Variants in SMARCC1 observed in about 807,000 individuals in gnomAD.
SMARCC1 encodes SWI/SNF complex subunit SMARCC1.
Under a neutral mutation model 147.4 loss-of-function variants are expected in SMARCC1, and 43 were observed. The observed-to-expected ratio is 0.29, with a 90% CI of 0.23 to 0.38. The LOEUF (loss-of-function observed/expected upper bound fraction) is 0.38, where lower values mean the gene tolerates loss of function less well. SMARCC1 is among the 10% of genes least tolerant of loss of function. The pLI is 1.00. For missense variants in SMARCC1, 1,119 were observed against 1,381.1 expected (o/e 0.81, Z 3.01); for synonymous variants, 495 against 484.4 (o/e 1.02, Z -0.29).
intron 12 of SMARCC1, among the ~76,000 whole-genome samples, chr3:47,690,198 A>AAAAAG (rs1186535968): frequency 1.3e-5 from 2 of 152,186 alleles, no homozygotes; most frequent in Admixed American, 6.5e-5. Flanking sequence ...TCTTATTAAA[A>AAAAAG]AAAAGAAAAG....
chr3:47,761,606 C>T (rs1024785531), intron 2 of SMARCC1, among the ~76,000 whole-genome samples: 12 of 152,228 alleles, frequency 7.9e-5, no homozygotes, highest in South Asian at 6.2e-4. Flanking sequence ...CAAGTGACTA[C>T]GACTGCTGAT....
chr3:47,615,169 C>T (rs2032620948), intron 25 of SMARCC1, among the ~76,000 whole-genome samples: 1 of 152,290 alleles, frequency 6.6e-6, no homozygotes, highest in African/African-American at 2.4e-5. Context: ...TGTATGTATA[C>T]CTATATATAT....
chr3:47,635,638 G>A (rs1307777900), intron 23 of SMARCC1, among the ~76,000 whole-genome samples: 4 of 152,166 alleles, frequency 2.6e-5, no homozygotes, highest in Non-Finnish European at 5.9e-5. Context: ...TAAGGCCAAC[G>A]TACTTGCTCA....
At chr3:47,714,708 C>T (rs936312067) in intron 7 of SMARCC1, among the ~76,000 whole-genome samples, 2 of 152,008 alleles carry the variant, frequency 1.3e-5, no homozygotes, top group African/African-American at 4.8e-5. Context: ...GTGGAAGAAT[C>T]GTTTGAACCC....
chr3:47,613,275 T>C (rs1253802689), intron 25 of SMARCC1, among the ~76,000 whole-genome samples: 1 of 152,084 alleles, frequency 6.6e-6, no homozygotes. Flanking sequence ...TCCAAGTATA[T>C]AAAAATGACT....
intron 2 of SMARCC1, among the ~76,000 whole-genome samples, chr3:47,752,726 G>A (rs2034642333): frequency 6.6e-6 from 1 of 152,102 alleles, no homozygotes; most frequent in South Asian, 2.1e-4. Context: ...GGAGGCTGAA[G>A]CTGCAGTGAC....
intron 5 of SMARCC1, among the ~76,000 whole-genome samples, chr3:47,729,335 T>C (rs115427161): frequency 2.2e-3 from 331 of 152,352 alleles, no homozygotes; most frequent in African/African-American, 7.7e-3. Flanking sequence ...TAGCTAGTTC[T>C]CTACAGATCT....
In SMARCC1 at chr3:47,778,212, A is replaced by AAAAAAAAAAAAAC. The variant is rs1553693293; in HGVS notation, c.195+3390_195+3391insGTTTTTTTTTTTT. ...TCTCAAAAAAAAAAAACAAAAAACAAAAAACAAAAAAAACACTGACTCCTA... is the reference window on the plus strand; with the variant it reads ...TCTCAAAAAAAAAAAACAAAAAACAAAAAAAAAAAAAACAAAACAAAAAAAACACTGACTCCTA... On this transcript the variant is annotated intron_variant, in intron 1 of 27. Coordinates refer to ENST00000254480, the MANE Select transcript of SMARCC1 (RefSeq NM_003074.4). Among the ~76,000 whole-genome samples the AAAAAAAAAAAAAC allele has an allele frequency of 2.4e-4, 29 of 121,336 alleles. 2 individuals carry two copies. The highest frequency in any genetic ancestry group is 5.9e-4 in the African/African-American group (19 of 32,192). The allele number at this position is 121,336 out of a possible 152,430, so 79.6% of individuals were successfully genotyped here. A position where few individuals can be genotyped will look rare whatever the true frequency, so the allele number is the denominator to read the frequency against.
At chr3:47,665,476 T>TA (rs2033409041) in intron 19 of SMARCC1, among the ~76,000 whole-genome samples, 1 of 152,160 alleles carries the variant, frequency 6.6e-6, no homozygotes, top group African/African-American at 2.4e-5. Flanking sequence ...AATTTTTAAT[T>TA]AAAAAATATT....
chr3:47,638,268 T>A (rs1183498276), intron 22 of SMARCC1, among the ~76,000 whole-genome samples: 1 of 152,150 alleles, frequency 6.6e-6, no homozygotes, highest in Non-Finnish European at 1.5e-5. Context: ...AATTTTTTTG[T>A]ATTTTTAGTA....
intron 18 of SMARCC1, among the ~76,000 whole-genome samples, chr3:47,671,173 C>CAAAAAAAAAAAAAAAAAAAAAAAAAAA (rs775759680): frequency 1.7e-4 from 5 of 29,240 alleles, no homozygotes; most frequent in African/African-American, 4.9e-4. Context: ...GAGACTATCT[C>CAAAAAAAAAAAAAAAAAAAAAAAAAAA]AAAAAAAAAA....
At chr3:47,679,315 A>T (rs886558595) in intron 15 of SMARCC1, among the ~76,000 whole-genome samples, 3 of 152,188 alleles carry the variant, frequency 2.0e-5, no homozygotes, top group Admixed American at 1.3e-4. Flanking sequence ...CAAGGGTTCC[A>T]GAAGTATATA....
intron 10 of SMARCC1, among the ~76,000 whole-genome samples, chr3:47,702,366 G>A (rs1464545894): frequency 6.6e-6 from 1 of 151,980 alleles, no homozygotes; most frequent in African/African-American, 2.4e-5. Context: ...TCAGTGCAGA[G>A]AAATGAATAA....
At chr3:47,748,120 A>G (rs145299887) in intron 2 of SMARCC1, among the ~76,000 whole-genome samples, 2,271 of 152,308 alleles carry the variant, frequency 0.015, 34 homozygotes, top group South Asian at 0.071. Flanking sequence ...ACTGCACTCC[A>G]GCCTGGGCGA....
At chr3:47,639,674 A>G (rs186731767) in intron 21 of SMARCC1, among the ~76,000 whole-genome samples, 2 of 152,286 alleles carry the variant, frequency 1.3e-5, no homozygotes, top group African/African-American at 4.8e-5. Flanking sequence ...AGATTGCACC[A>G]CTGCACTCCG....
Position 47,587,130 on chromosome 3 carries a change from A to T in SMARCC1, c.*1079T>A, listed in dbSNP as rs2108220486. On this transcript the variant is annotated 3_prime_UTR_variant, in exon 28 of 28. Transcript: ENST00000254480. ...CTAACCTTAAAAGTACCGGTTGACG[A>T]AATTCCACTCCCTGGCTACTGTAAC... 6.5e-6 allele frequency: 1 copy of T among 152,748 alleles called. No individual in the cohort carries two copies. Among genetic ancestry groups the T allele is most frequent in the Non-Finnish European group, 1.5e-5 (1 of 68,030 alleles). 9.5% of individuals were successfully genotyped at this position (152,748 alleles called of 1,614,324 possible). A position where few individuals can be genotyped will look rare whatever the true frequency, so the allele number is the denominator to read the frequency against.
At chr3:47,765,169 T>G (rs1392622856) in intron 2 of SMARCC1, among the ~76,000 whole-genome samples, 3 of 151,942 alleles carry the variant, frequency 2.0e-5, no homozygotes, top group Admixed American at 6.6e-5. Context: ...GAGAACCGCT[T>G]GAACTCGGGA....
chr3:47,589,701 G>T (rs975038301), intron 27 of SMARCC1, among the ~76,000 whole-genome samples: 26 of 152,214 alleles, frequency 1.7e-4, no homozygotes, highest in Non-Finnish European at 1.0e-4. Context: ...TGTCCATGAA[G>T]CCTCCCAGAG....
At chr3:47,727,610 GT>G (rs1007432999) in intron 6 of SMARCC1, among the ~76,000 whole-genome samples, 2 of 151,110 alleles carry the variant, frequency 1.3e-5, no homozygotes, top group African/African-American at 4.9e-5. Context: ...CCAATAGGTT[GT>G]TTTTTGTTTT....
Sources: allele counts gnomAD v4.1 joint callset (sites outside exome capture counted in the v4.1 genomes callset), GRCh38; gene constraint gnomAD v4.1.1; transcripts MANE v1.5; gene names NCBI Gene and HGNC (gene_info 2026-07-23, HGNC 2026-07-21).